Variants in AVEN observed in about 807,000 individuals in gnomAD.
AVEN encodes the protein cell death regulator Aven.
Under a neutral mutation model 38.1 loss-of-function variants are expected in AVEN, and 41 were observed. The ratio of observed to expected loss-of-function variants is 1.08; its 90% CI spans 0.84 to 1.40. The LOEUF (loss-of-function observed/expected upper bound fraction) is 1.40. Ranked by LOEUF, AVEN falls within the 40% of genes most tolerant of loss-of-function variation. The pLI, the probability that AVEN is intolerant of heterozygous loss-of-function variation, is 0.00. For synonymous variants in AVEN, 206 were observed against 171.8 expected (o/e 1.20, Z -1.56); for missense variants, 605 against 438.8 (o/e 1.38, Z -3.38).
chr15:33,930,341 C>A (rs1314401362), intron 2 of AVEN, among the ~76,000 whole-genome samples: 92 of 141,378 alleles, frequency 6.5e-4, no homozygotes, highest in African/African-American at 1.1e-3. Context: ...CCATCTAGGA[C>A]AAAAAAAAAA....
intron 1 of AVEN, among the ~76,000 whole-genome samples, chr15:34,073,257 G>A (rs1436010438): frequency 9.1e-6 from 1 of 110,198 alleles, no homozygotes; most frequent in Non-Finnish European, 1.8e-5. Context: ...GGGTTTCCCT[G>A]TGTTCGCCAG....
chr15:33,875,546 C>T (rs1418070177), intron 3 of AVEN, among the ~76,000 whole-genome samples: 4 of 152,182 alleles, frequency 2.6e-5, no homozygotes, highest in Non-Finnish European at 5.9e-5. Context: ...AGGGTTTTCT[C>T]AACCTAACAC....
intron 1 of AVEN, among the ~76,000 whole-genome samples, chr15:34,006,350 C>T (rs1322489023): frequency 6.6e-6 from 1 of 150,684 alleles, no homozygotes; most frequent in Non-Finnish European, 1.5e-5. Context: ...TGAGAATTTG[C>T]GGGACAGAAC....
chr15:33,892,140 G>A (rs1892001659), intron 2 of AVEN, among the ~76,000 whole-genome samples: 2 of 152,262 alleles, frequency 1.3e-5, no homozygotes, highest in South Asian at 4.2e-4. Flanking sequence ...TTTGTCAGAT[G>A]GGTAGATTGC....
At chr15:33,983,007 C>CATG (rs1896222189) in intron 2 of AVEN, among the ~76,000 whole-genome samples, 1 of 151,636 alleles carries the variant, frequency 6.6e-6, no homozygotes, top group Admixed American at 6.6e-5. Flanking sequence ...CTGCATGGAC[C>CATG]ATGACTGTCT....
chr15:33,905,219 C>CAA (rs71117198), intron 2 of AVEN, among the ~76,000 whole-genome samples: 3 of 150,282 alleles, frequency 2.0e-5, no homozygotes, highest in African/African-American at 7.5e-5. Context: ...AACAAACAAA[C>CAA]AAAAAAACCC....
chr15:33,961,564 A>C (rs372491565), intron 2 of AVEN, among the ~76,000 whole-genome samples: 1 of 152,158 alleles, frequency 6.6e-6, no homozygotes, highest in East Asian at 1.9e-4. Context: ...CTGTAATCCC[A>C]GCACTTTGGG....
At chr15:34,072,645 T>A (rs1900651431) in intron 1 of AVEN, among the ~76,000 whole-genome samples, 1 of 151,878 alleles carries the variant, frequency 6.6e-6, no homozygotes, top group South Asian at 2.1e-4. Context: ...TATTTTACTT[T>A]TTATTATTAT....
At chr15:33,855,886 T>G (rs2079606106), downstream of AVEN, 3 of 152,216 alleles carry the variant, frequency 2.0e-5, no homozygotes, top group African/African-American at 7.2e-5. Context: ...GTATACAGAT[T>G]CAAACTGTTT....
chr15:33,994,412 T>C (rs1392017272), intron 2 of AVEN, among the ~76,000 whole-genome samples: 2 of 152,134 alleles, frequency 1.3e-5, no homozygotes, highest in Non-Finnish European at 2.9e-5. Context: ...TTATGGTGAG[T>C]TGTATAATTA....
chr15:33,977,693 G>A (rs959858302), intron 2 of AVEN, among the ~76,000 whole-genome samples: 6 of 152,110 alleles, frequency 3.9e-5, no homozygotes, highest in African/African-American at 1.2e-4. Flanking sequence ...AGAATCAAAC[G>A]TTCTCTATTA....
intron 2 of AVEN, among the ~76,000 whole-genome samples, chr15:33,887,358 T>C (rs16958228): frequency 0.073 from 11,050 of 152,218 alleles, 552 homozygotes; most frequent in South Asian, 0.15. Flanking sequence ...CTTCTCAAAC[T>C]GGAATTTTAG....
chr15:34,054,761 A>T (rs1024944553), intron 5 of AVEN, among the ~76,000 whole-genome samples: 1 of 152,184 alleles, frequency 6.6e-6, no homozygotes, highest in Non-Finnish European at 1.5e-5. Context: ...TAATGGGATG[A>T]TGTGTGCAGC....
chr15:33,936,397 C>T (rs1023306709), intron 2 of AVEN, among the ~76,000 whole-genome samples: 1 of 151,930 alleles, frequency 6.6e-6, no homozygotes, highest in Non-Finnish European at 1.5e-5. Flanking sequence ...TTGCGTTATA[C>T]CAAAAAAACT....
At chr15:33,961,719 A>G (rs1054917103) in intron 2 of AVEN, among the ~76,000 whole-genome samples, 9 of 145,802 alleles carry the variant, frequency 6.2e-5, no homozygotes, top group East Asian at 4.3e-4. Context: ...AGGCTGAGGC[A>G]GGAGAATGGC....
intron 1 of AVEN, among the ~76,000 whole-genome samples, chr15:34,025,112 A>G (rs1898397470): frequency 6.6e-6 from 1 of 151,724 alleles, no homozygotes; most frequent in Non-Finnish European, 1.5e-5. Flanking sequence ...AGAGGATGCA[A>G]TAAGCAGAGA....
In AVEN at chr15:34,063,563, G is replaced by C. The variant is rs1166184098; in HGVS notation, n.1127-131C>G. On this transcript the variant is annotated intron_variant and non_coding_transcript_variant, in intron 4 of 11. Transcript: ENST00000675287. This position sits in a 1 kb window ranked among gnomAD's most constrained non-coding sequence, Gnocchi z 4.1. The stretch of plus-strand genomic sequence containing the variant: ...CCCGCAGGAGCACCTCCACCACTGG[G>C]AAGCCATCCCAAGCCACTGGCCCAA... 6.2e-7 allele frequency: 1 copy of C among 1,613,622 alleles called. No individual in the cohort carries two copies. Among genetic ancestry groups the C allele is most frequent in the Non-Finnish European group, 8.5e-7 (1 of 1,180,018 alleles).
At chr15:34,061,354 A>G (rs1219824546) in intron 5 of AVEN, among the ~76,000 whole-genome samples, 3 of 152,210 alleles carry the variant, frequency 2.0e-5, no homozygotes, top group African/African-American at 7.2e-5. Flanking sequence ...ATTAAGTGGA[A>G]TAATGTACAG....
intron 2 of AVEN, among the ~76,000 whole-genome samples, chr15:33,983,168 GTGTATA>G (rs1332894877): frequency 9.8e-5 from 10 of 101,752 alleles, no homozygotes; most frequent in South Asian, 3.7e-4. Flanking sequence ...GTATGTGTGT[GTGTATA>G]TATACACACG....
Sources: allele counts gnomAD v4.1 joint callset (sites outside exome capture counted in the v4.1 genomes callset), GRCh38; gene constraint gnomAD v4.1.1; non-coding constraint Gnocchi (gnomAD v3.1); transcripts MANE v1.5; gene names NCBI Gene and HGNC (gene_info 2026-07-23, HGNC 2026-07-21).